Variants in NKAIN3 observed in about 807,000 individuals in gnomAD.
The protein encoded by NKAIN3 is sodium/potassium transporting ATPase interacting 3.
A neutral mutation model predicts 30.2 loss-of-function variants in NKAIN3; 25 were observed. That is an observed-to-expected ratio of 0.83 (90% CI 0.60 to 1.16). The LOEUF is 1.16. Ranked by LOEUF, NKAIN3 falls within the 50% of genes most tolerant of loss-of-function variation. NKAIN3 has a pLI of 0.00. For missense variants in NKAIN3, 225 were observed against 254.1 expected (o/e 0.89, Z 0.78); for synonymous variants, 91 against 89.6 (o/e 1.02, Z -0.09).
intron 5 of NKAIN3, among the ~76,000 whole-genome samples, chr8:62,947,592 G>C (rs2130890417): frequency 6.6e-6 from 1 of 152,350 alleles, no homozygotes; most frequent in South Asian, 2.1e-4. Flanking sequence ...GCCCAGGCTG[G>C]ATGGGCAGCT....
At position 62,352,193 on chromosome 8, in the gene NKAIN3, G is replaced by A. The variant is rs138346995; in HGVS notation, c.54+103066G>A. On this transcript the variant is annotated intron_variant, in intron 1 of 6. Coordinates refer to ENST00000623646, the MANE Select transcript of NKAIN3 (RefSeq NM_001304533.3). ...GTTTAGGGAAATCAGGCAAGGAAGA[G>A]GACAGAGGTGCTGAGACACTTCTGT... 2.0e-5 allele frequency among the ~76,000 whole-genome samples: 3 copies of A among 152,242 alleles called. No individual in the cohort carries two copies. In the East Asian group the frequency reaches 5.8e-4, roughly 29 times the overall value.
intron 1 of NKAIN3, among the ~76,000 whole-genome samples, chr8:62,273,272 A>G (rs1054548283): frequency 2.6e-5 from 4 of 152,150 alleles, no homozygotes; most frequent in African/African-American, 9.7e-5. Flanking sequence ...CTTGAATTCT[A>G]ATTGTGGGAG....
At chr8:62,601,435 C>T (rs1049631062) in intron 3 of NKAIN3, among the ~76,000 whole-genome samples, 9 of 152,114 alleles carry the variant, frequency 5.9e-5, no homozygotes, top group African/African-American at 2.2e-4. Flanking sequence ...TCTGGAACTA[C>T]AAGAATAATA....
intron 4 of NKAIN3, among the ~76,000 whole-genome samples, chr8:62,748,065 C>T (rs1413852977): frequency 6.6e-6 from 1 of 152,240 alleles, no homozygotes; most frequent in East Asian, 1.9e-4. Context: ...TGTAACAAAC[C>T]ACTCCAAAAT....
intron 1 of NKAIN3, among the ~76,000 whole-genome samples, chr8:62,461,874 A>G (rs1585835017): frequency 6.6e-6 from 1 of 152,356 alleles, no homozygotes; most frequent in Admixed American, 6.5e-5. Flanking sequence ...GTGATCTTCC[A>G]AAAGAGAATA....
intron 4 of NKAIN3, among the ~76,000 whole-genome samples, chr8:62,917,592 G>GA (rs60500395): frequency 6.6e-6 from 1 of 152,148 alleles, no homozygotes; most frequent in Non-Finnish European, 1.5e-5. Flanking sequence ...AGGACTATCA[G>GA]AAAAAGTTTC....
chr8:62,809,943 G>A (rs1818436475), intron 4 of NKAIN3, among the ~76,000 whole-genome samples: 1 of 152,160 alleles, frequency 6.6e-6, no homozygotes, highest in Admixed American at 6.6e-5. Context: ...AGTGAAAGGA[G>A]ATAGAATAAT....
chr8:62,644,304 G>T (rs558370528), intron 3 of NKAIN3, among the ~76,000 whole-genome samples: 1 of 152,138 alleles, frequency 6.6e-6, no homozygotes, highest in East Asian at 1.9e-4. Flanking sequence ...GCAAACAAAG[G>T]TCTCCTCAAA....
intron 1 of NKAIN3, among the ~76,000 whole-genome samples, chr8:62,294,019 G>T (rs1813743595): frequency 1.3e-5 from 2 of 152,186 alleles, no homozygotes; most frequent in South Asian, 4.1e-4. Flanking sequence ...GCTCTGTGAG[G>T]GTGGGACCCT....
chr8:62,497,229 T>G (rs1807270504), intron 1 of NKAIN3, among the ~76,000 whole-genome samples: 1 of 152,126 alleles, frequency 6.6e-6, no homozygotes, highest in Non-Finnish European at 1.5e-5. Context: ...TAATGGTTTT[T>G]AGTTATAAAA....
At chr8:62,711,346 A>G (rs1021923750) in intron 3 of NKAIN3, among the ~76,000 whole-genome samples, 4 of 152,120 alleles carry the variant, frequency 2.6e-5, no homozygotes, top group Non-Finnish European at 1.5e-5. Context: ...CGGTTTTAGA[A>G]TTCTCTTTTT....
At chr8:62,897,965 C>A (rs1490496987) in intron 4 of NKAIN3, among the ~76,000 whole-genome samples, 1 of 152,144 alleles carries the variant, frequency 6.6e-6, no homozygotes, top group Non-Finnish European at 1.5e-5. Context: ...AATATATTTT[C>A]TTTATAAACT....
chr8:62,650,166 G>C (rs1214381303), intron 3 of NKAIN3, among the ~76,000 whole-genome samples: 1 of 152,022 alleles, frequency 6.6e-6, no homozygotes, highest in Non-Finnish European at 1.5e-5. Context: ...GGGATTCTTT[G>C]CTTCATCATA....
At chr8:62,741,431 G>A (rs1477843289) in intron 3 of NKAIN3, among the ~76,000 whole-genome samples, 1 of 146,820 alleles carries the variant, frequency 6.8e-6, no homozygotes, top group Non-Finnish European at 1.5e-5. Flanking sequence ...AGGCAGGCAA[G>A]CAAGCAAGCA....
chr8:62,651,941 G>C (rs910773882), intron 3 of NKAIN3, among the ~76,000 whole-genome samples: 1 of 152,068 alleles, frequency 6.6e-6, no homozygotes, highest in East Asian at 1.9e-4. Context: ...GCAGATGCTG[G>C]TGCCATGCTT....
intron 3 of NKAIN3, among the ~76,000 whole-genome samples, chr8:62,614,979 T>C (rs528650424): frequency 1.3e-5 from 2 of 152,144 alleles, no homozygotes; most frequent in Non-Finnish European, 2.9e-5. Context: ...AGAGCCTGCT[T>C]GGTGCTCTGC....
intron 4 of NKAIN3, among the ~76,000 whole-genome samples, chr8:62,837,258 G>T (rs1034419121): frequency 6.6e-6 from 1 of 152,068 alleles, no homozygotes; most frequent in Admixed American, 6.6e-5. Flanking sequence ...GATAGGGAAG[G>T]TAACACTCTC....
At chr8:62,578,058 C>T (rs1810172287) in intron 1 of NKAIN3, among the ~76,000 whole-genome samples, 1 of 152,068 alleles carries the variant, frequency 6.6e-6, no homozygotes, top group African/African-American at 2.4e-5. Context: ...GCTGCAGTTT[C>T]CAGTGCCATC....
At chr8:62,733,341 G>C (rs1390576020) in intron 3 of NKAIN3, among the ~76,000 whole-genome samples, 1 of 152,108 alleles carries the variant, frequency 6.6e-6, no homozygotes, top group Non-Finnish European at 1.5e-5. Flanking sequence ...AATACACTTA[G>C]GAAGTTCCAT....
Sources: gnomAD v4.1 joint callset for allele counts (sites outside exome capture counted in the v4.1 genomes callset) on GRCh38, gnomAD v4.1.1 for gene constraint, MANE v1.5 for transcripts, NCBI Gene and HGNC (gene_info 2026-07-23, HGNC 2026-07-21) for gene names.